Variants in RBFOX1 observed in about 807,000 individuals in gnomAD.
RBFOX1 encodes the protein RNA binding fox-1 homolog 1, also known as RNA binding protein fox-1 homolog 1.
A neutral mutation model predicts 57.7 loss-of-function variants in RBFOX1; 8 were observed. The observed-to-expected ratio is 0.14, with a 90% CI of 0.08 to 0.25. The LOEUF (loss-of-function observed/expected upper bound fraction) is 0.25. RBFOX1 is among the 10% of genes least tolerant of loss of function. The pLI, the probability that RBFOX1 is intolerant of heterozygous loss-of-function variation, is 1.00. For synonymous variants in RBFOX1, 326 were observed against 222.4 expected (o/e 1.47, Z -4.15); for missense variants, 611 against 548.5 (o/e 1.11, Z -1.14).
intron 2 of RBFOX1, among the ~76,000 whole-genome samples, chr16:5,552,576 T>G (rs1193941453): frequency 6.6e-6 from 1 of 152,136 alleles, no homozygotes; most frequent in Non-Finnish European, 1.5e-5. Flanking sequence ...CCACAGGAAT[T>G]TCAAACTGTC....
In RBFOX1 at chr16:7,031,451, C is replaced by G. The variant is rs1188009520; in HGVS notation, c.-15-20606C>G. ...TCTCTACTAAAAATACAAAAATTAGCTAGGCATGGTGGCACATGCCTGTAG... is the reference window on the plus strand; with the variant it reads ...TCTCTACTAAAAATACAAAAATTAGGTAGGCATGGTGGCACATGCCTGTAG... On this transcript the variant is annotated intron_variant, in intron 3 of 15. Transcript: ENST00000550418. Among the ~76,000 whole-genome samples the G allele has an allele frequency of 8.6e-5, 13 of 151,966 alleles. 1 individual carries two copies. Among genetic ancestry groups the G allele is most frequent in the African/African-American group, 1.7e-4 (7 of 41,358 alleles).
At position 7,335,584 on chromosome 16, in the gene RBFOX1, GAAAAAAAA is replaced by G. The variant is rs959362612; in HGVS notation, c.28-182545_28-182538del. Reference sequence around the variant, plus strand: ...CCCTGTTTTAGTTGCCTCAGATAAAGAAAAAAAAAAAAAAAAAAAAAAAAACCAAGTGA... The same window carrying G: ...CCCTGTTTTAGTTGCCTCAGATAAAGAAAAAAAAAAAAAAAAACCAAGTGA... On this transcript the variant is annotated intron_variant, in intron 4 of 15. Transcript: ENST00000550418. 7.8e-4 allele frequency among the ~76,000 whole-genome samples: 58 copies of G among 74,676 alleles called. 1 individual carries two copies. The highest frequency in any genetic ancestry group is 1.3e-3 in the Non-Finnish European group (51 of 39,802). 49.0% of individuals were successfully genotyped at this position (74,676 alleles called of 152,430 possible). A position where few individuals can be genotyped will look rare whatever the true frequency, so the allele number is the denominator to read the frequency against.
intron 3 of RBFOX1, among the ~76,000 whole-genome samples, chr16:5,850,179 C>A (rs145051796): frequency 3.3e-5 from 5 of 152,052 alleles, no homozygotes; most frequent in African/African-American, 1.2e-4. Flanking sequence ...TGATGTTATC[C>A]GTTTTATCCA....
chr16:7,453,967 T>C (rs1422282197), intron 4 of RBFOX1, among the ~76,000 whole-genome samples: 1 of 152,176 alleles, frequency 6.6e-6, no homozygotes, highest in Non-Finnish European at 1.5e-5. Context: ...GCACAATGGC[T>C]CATGCCTGAA....
intron 1 of RBFOX1, among the ~76,000 whole-genome samples, chr16:6,264,931 G>A (rs1200728029): frequency 6.6e-6 from 1 of 152,102 alleles, no homozygotes; most frequent in Non-Finnish European, 1.5e-5. Flanking sequence ...TTGAGCGAAG[G>A]AACTCCGAGT....
At chr16:6,027,000 T>G (rs1403359865) in intron 1 of RBFOX1, among the ~76,000 whole-genome samples, 2 of 152,224 alleles carry the variant, frequency 1.3e-5, no homozygotes, top group African/African-American at 4.8e-5. Flanking sequence ...CAAAATTAGA[T>G]CTTTGCCAGC....
At chr16:5,427,365 A>G (rs918481994) in intron 1 of RBFOX1, among the ~76,000 whole-genome samples, 2 of 152,178 alleles carry the variant, frequency 1.3e-5, no homozygotes, top group African/African-American at 2.4e-5. Flanking sequence ...TGGGTGGATC[A>G]CCTGAGGTCA....
intron 2 of RBFOX1, among the ~76,000 whole-genome samples, chr16:6,406,677 T>A (rs1475622500): frequency 6.6e-6 from 1 of 152,072 alleles, no homozygotes; most frequent in East Asian, 1.9e-4. Context: ...TCGGTCAATT[T>A]TTGGATAAGT....
intron 1 of RBFOX1, among the ~76,000 whole-genome samples, chr16:5,401,608 T>A (rs2066714988): frequency 6.6e-6 from 1 of 152,250 alleles, no homozygotes; most frequent in African/African-American, 2.4e-5. Context: ...TAATTGGGAC[T>A]GGCATAAACT....
At chr16:6,418,972 G>C (rs1187593067) in intron 2 of RBFOX1, among the ~76,000 whole-genome samples, 4 of 152,214 alleles carry the variant, frequency 2.6e-5, no homozygotes, top group African/African-American at 9.6e-5. Context: ...AAAAGCGTAT[G>C]TATGGGCTTG....
chr16:7,387,733 C>G (rs778492757), intron 4 of RBFOX1, among the ~76,000 whole-genome samples: 9 of 152,174 alleles, frequency 5.9e-5, no homozygotes, highest in Non-Finnish European at 1.3e-4. Flanking sequence ...CATCCTGCGT[C>G]AACTCCAGGC....
chr16:5,880,457 A>G (rs17641923), intron 4 of RBFOX1, among the ~76,000 whole-genome samples: 25,350 of 152,206 alleles, frequency 0.17, 2,539 homozygotes, highest in Non-Finnish European at 0.22. Context: ...TTTGTGCAGA[A>G]TTTATTACTT....
At chr16:6,776,672 A>G (rs1317585568) in intron 3 of RBFOX1, among the ~76,000 whole-genome samples, 4 of 152,076 alleles carry the variant, frequency 2.6e-5, no homozygotes, top group Non-Finnish European at 4.4e-5. Flanking sequence ...AATTATTATA[A>G]AGGTAACAAG....
chr16:6,813,844 C>T (rs1024026191), intron 3 of RBFOX1, among the ~76,000 whole-genome samples: 9 of 152,108 alleles, frequency 5.9e-5, no homozygotes, highest in Non-Finnish European at 1.5e-5. Flanking sequence ...ACCCCCAACC[C>T]CTCTGGCTTC....
chr16:7,660,353 G>A (rs1319333112), intron 12 of RBFOX1, among the ~76,000 whole-genome samples: 4 of 152,186 alleles, frequency 2.6e-5, no homozygotes, highest in Non-Finnish European at 5.9e-5. Flanking sequence ...ATTGAAATAT[G>A]ACTGCGCCTG....
At chr16:7,130,114 C>G (rs1015534169) in intron 4 of RBFOX1, among the ~76,000 whole-genome samples, 1 of 150,664 alleles carries the variant, frequency 6.6e-6, no homozygotes, top group Non-Finnish European at 1.5e-5. Flanking sequence ...CCCACTGCAA[C>G]CTCTGCCTCC....
rs368066175 is a variant in RBFOX1 at position 7,664,773 on chromosome 16, G to C, written c.891-156G>C. On this transcript the variant is annotated intron_variant, in intron 12 of 15. Coordinates refer to ENST00000550418, the MANE Select transcript of RBFOX1 (RefSeq NM_018723.4). ...AATTTTCTCGGTTTGCTCAACTGCCGTTGTCTCCAACCTCCTTAATCCAAT... is the reference window on the plus strand; with the variant it reads ...AATTTTCTCGGTTTGCTCAACTGCCCTTGTCTCCAACCTCCTTAATCCAAT... 7 of 1,362,352 alleles carry C rather than the reference G, an allele frequency of 5.1e-6. No homozygotes were observed. The Admixed American group carries it at 6.0e-5, about 12-fold the overall frequency. 84.4% of individuals were successfully genotyped at this position (1,362,352 alleles called of 1,614,324 possible). A position where few individuals can be genotyped will look rare whatever the true frequency, so the allele number is the denominator to read the frequency against.
At chr16:5,952,170 A>G (rs1452213701) in intron 4 of RBFOX1, among the ~76,000 whole-genome samples, 2 of 147,130 alleles carry the variant, frequency 1.4e-5, no homozygotes, top group Non-Finnish European at 3.0e-5. Flanking sequence ...TTTTTTTTTG[A>G]GATGAAGTCT....
intron 4 of RBFOX1, among the ~76,000 whole-genome samples, chr16:7,186,213 A>AATATTTATATAAACAAAC (rs2083716077): frequency 1.4e-5 from 2 of 146,862 alleles, no homozygotes; most frequent in Non-Finnish European, 3.0e-5. Context: ...TGTGTATATA[A>AATATTTATATAAACAAAC]ATATTTATAT....
Sources: allele counts gnomAD v4.1 joint callset (sites outside exome capture counted in the v4.1 genomes callset), GRCh38; gene constraint gnomAD v4.1.1; transcripts MANE v1.5; gene names NCBI Gene and HGNC (gene_info 2026-07-23, HGNC 2026-07-21).